Variants in ANK3 observed in about 807,000 individuals in gnomAD.
The protein encoded by ANK3 is ankyrin 3, also known as ankyrin-3.
Under a neutral mutation model 370.9 loss-of-function variants are expected in ANK3, and 57 were observed. That is an observed-to-expected ratio of 0.15 (90% CI 0.12 to 0.19). The LOEUF (loss-of-function observed/expected upper bound fraction) is 0.19. Ranked by LOEUF, ANK3 falls within the 10% of genes least tolerant of loss-of-function variation. The probability of loss-of-function intolerance (pLI) is 1.00; values close to 1 mark genes in which losing one functional copy is unlikely to be tolerated. For missense variants in ANK3, 4,439 were observed against 5,302.1 expected, an observed-to-expected ratio of 0.84 and a Z score of 5.06; for synonymous variants, 1,929 against 1,946.3, an observed-to-expected ratio of 0.99 and a Z score of 0.23.
chr10:60,493,381 T>C (rs2075574276), intron 2 of ANK3, among the ~76,000 whole-genome samples: 1 of 151,578 alleles, frequency 6.6e-6, no homozygotes, highest in African/African-American at 2.4e-5. Context: ...ATAGAAACAG[T>C]AAGAGCCCTA....
chr10:60,162,906 A>G (rs1035878740), intron 23 of ANK3, among the ~76,000 whole-genome samples: 1 of 152,074 alleles, frequency 6.6e-6, no homozygotes, highest in Non-Finnish European at 1.5e-5. Flanking sequence ...CTACACTCCA[A>G]TCCACTAGAA....
chr10:60,259,671 C>A (rs1033662770), intron 7 of ANK3, among the ~76,000 whole-genome samples: 1 of 152,188 alleles, frequency 6.6e-6, no homozygotes, highest in Non-Finnish European at 1.5e-5. Flanking sequence ...TTAAACATTT[C>A]TCTAATCCTC....
chr10:60,059,864 C>T, intron 40 of ANK3: 2 of 1,614,220 alleles, frequency 1.2e-6, no homozygotes, highest in South Asian at 2.2e-5. Flanking sequence ...AAGGCACTAG[C>T]CCATCACTCA....
chr10:60,094,428 T>G (rs1335812554), intron 28 of ANK3, among the ~76,000 whole-genome samples: 1 of 152,114 alleles, frequency 6.6e-6, no homozygotes. Flanking sequence ...GCTCAAGTGA[T>G]GTGCCCGCCT....
chr10:60,692,443 A>G (rs2079368883), intron 1 of ANK3, among the ~76,000 whole-genome samples: 1 of 152,176 alleles, frequency 6.6e-6, no homozygotes, highest in Non-Finnish European at 1.5e-5. Context: ...ATTTCTGTAT[A>G]TCTATTTCTA....
At chr10:60,250,601 G>A (rs2097646756) in intron 7 of ANK3, among the ~76,000 whole-genome samples, 1 of 152,140 alleles carries the variant, frequency 6.6e-6, no homozygotes, top group Admixed American at 6.5e-5. Flanking sequence ...TCCTGACCTT[G>A]TGATCTGCCC....
At chr10:60,631,266 C>T (rs1487478945) in intron 1 of ANK3, among the ~76,000 whole-genome samples, 2 of 152,028 alleles carry the variant, frequency 1.3e-5, no homozygotes, top group African/African-American at 2.4e-5. Flanking sequence ...TGGTGGCTCA[C>T]GCCTGTAATC....
chr10:60,044,176 G>C, intron 42 of ANK3: 1 of 985,344 alleles, frequency 1.0e-6, no homozygotes, highest in African/African-American at 1.7e-5. Flanking sequence ...TTCTGTTTTA[G>C]GAGATGACAC....
chr10:60,092,026 G>A (rs1179987221), intron 28 of ANK3, among the ~76,000 whole-genome samples: 14 of 152,142 alleles, frequency 9.2e-5, no homozygotes, highest in Non-Finnish European at 1.5e-5. Context: ...ACCGCGCCAG[G>A]CTACGTTTGT....
chr10:60,231,475 G>A (rs2097244482), intron 8 of ANK3, among the ~76,000 whole-genome samples: 1 of 152,190 alleles, frequency 6.6e-6, no homozygotes, highest in African/African-American at 2.4e-5. Flanking sequence ...ACAATAGTAA[G>A]TACTTGGTGG....
chr10:60,229,073 A>G (rs1289321022), intron 8 of ANK3, among the ~76,000 whole-genome samples: 2 of 152,244 alleles, frequency 1.3e-5, no homozygotes, highest in Non-Finnish European at 2.9e-5. Context: ...AATGCTTTGC[A>G]ACTGTAAAAA....
chr10:60,300,901 G>A (rs1406307340), intron 1 of ANK3, among the ~76,000 whole-genome samples: 1 of 151,690 alleles, frequency 6.6e-6, no homozygotes, highest in East Asian at 1.9e-4. Context: ...ATATGTCTGC[G>A]TAGACATGTA....
intron 1 of ANK3, among the ~76,000 whole-genome samples, chr10:60,728,884 C>A (rs372407620): frequency 2.6e-5 from 4 of 152,218 alleles, no homozygotes; most frequent in African/African-American, 9.6e-5. Flanking sequence ...ACAATACTTA[C>A]CCTCTAGTTT....
At chr10:60,690,495 G>A (rs2079336303) in intron 1 of ANK3, among the ~76,000 whole-genome samples, 1 of 151,882 alleles carries the variant, frequency 6.6e-6, no homozygotes, top group Non-Finnish European at 1.5e-5. Context: ...TTTATGACAG[G>A]CAATGTTTTT....
intron 2 of ANK3, among the ~76,000 whole-genome samples, chr10:60,410,493 G>A (rs968866047): frequency 5.3e-5 from 8 of 152,118 alleles, no homozygotes; most frequent in Admixed American, 3.3e-4. Context: ...GAAGGAAGAC[G>A]TAACCAAAAG....
At chr10:60,456,783 T>C (rs1267950254) in intron 2 of ANK3, among the ~76,000 whole-genome samples, 1 of 152,148 alleles carries the variant, frequency 6.6e-6, no homozygotes, top group African/African-American at 2.4e-5. Context: ...TATGAAAGCC[T>C]ACTTGGGGAT....
chr10:60,404,420 A>C (rs1370510173), intron 2 of ANK3, among the ~76,000 whole-genome samples: 2 of 152,196 alleles, frequency 1.3e-5, no homozygotes, highest in African/African-American at 4.8e-5. Context: ...ATGCAAGGGA[A>C]ACAGACTTAC....
chr10:60,539,242 T>C (rs2076792290), intron 2 of ANK3, among the ~76,000 whole-genome samples: 1 of 151,978 alleles, frequency 6.6e-6, no homozygotes, highest in Non-Finnish European at 1.5e-5. Flanking sequence ...ATTTCATGCA[T>C]ATAAAATTGA....
intron 1 of ANK3, among the ~76,000 whole-genome samples, chr10:60,672,064 C>T (rs1294544139): frequency 3.9e-5 from 6 of 152,222 alleles, no homozygotes; most frequent in African/African-American, 1.2e-4. Flanking sequence ...TTGTTCTAAG[C>T]CGCTAAGTGT....
Sources: gnomAD v4.1 joint callset for allele counts (sites outside exome capture counted in the v4.1 genomes callset) on GRCh38, gnomAD v4.1.1 for gene constraint, MANE v1.5 for transcripts, NCBI Gene and HGNC (gene_info 2026-07-23, HGNC 2026-07-21) for gene names.